FOCAD: variants seen among roughly 807,000 people sequenced by gnomAD.
FOCAD encodes the protein focadhesin, also known as KIAA1797.
FOCAD carries 198 observed loss-of-function variants against 225.6 expected under a neutral mutation model. The observed-to-expected ratio is 0.88, with a 90% CI of 0.78 to 0.99. The LOEUF (loss-of-function observed/expected upper bound fraction) is 0.99. Ranked by LOEUF, FOCAD falls within the 50% of genes least tolerant of loss-of-function variation. FOCAD has a pLI of 0.00. For synonymous variants in FOCAD, 897 were observed against 755.0 expected, an observed-to-expected ratio of 1.19 and a Z score of -3.08; for missense variants, 2,713 against 2,123.6, an observed-to-expected ratio of 1.28 and a Z score of -5.46.
At position 20,938,280 on chromosome 9, in the gene FOCAD, C is replaced by T. The variant is rs553626710; in HGVS notation, c.3407+5177C>T. Among the ~76,000 whole-genome samples, 421 of 152,222 alleles carry T rather than the reference C, an allele frequency of 2.8e-3. 5 individuals are homozygous for T. Among genetic ancestry groups the T allele is most frequent in the Admixed American group, 3.7e-3 (57 of 15,296 alleles). On this transcript the variant is annotated intron_variant, in intron 28 of 43. Transcript: ENST00000338382. ...ATGCTGCTATAAAGACACATGCACA[C>T]GTATGTTTATTGCGGCACTATTCAC...
chr9:20,908,150 AT>A (rs1833143053), intron 22 of FOCAD, among the ~76,000 whole-genome samples: 1 of 152,130 alleles, frequency 6.6e-6, no homozygotes, highest in South Asian at 2.1e-4. Flanking sequence ...AACTAGCTTA[AT>A]TGTTTTTCGT....
chr9:20,901,564 A>C (rs1170164157), intron 21 of FOCAD, among the ~76,000 whole-genome samples: 1 of 151,914 alleles, frequency 6.6e-6, no homozygotes, highest in African/African-American at 2.4e-5. Flanking sequence ...GGTGGAATGC[A>C]ATAACAAATT....
At chr9:20,843,620 T>C (rs1471051933) in intron 15 of FOCAD, among the ~76,000 whole-genome samples, 1 of 152,158 alleles carries the variant, frequency 6.6e-6, no homozygotes, top group Admixed American at 6.6e-5. Flanking sequence ...TCCATAACCT[T>C]TGTGTACTTG....
chr9:20,767,739 G>A (rs1178032858), intron 7 of FOCAD, among the ~76,000 whole-genome samples: 1 of 145,908 alleles, frequency 6.9e-6, no homozygotes, highest in African/African-American at 2.5e-5. Context: ...TTTGTCAGAT[G>A]AGTAGGTTGC....
intron 22 of FOCAD, among the ~76,000 whole-genome samples, chr9:20,907,927 TC>T (rs1244693188): frequency 6.6e-6 from 1 of 152,104 alleles, no homozygotes; most frequent in African/African-American, 2.4e-5. Flanking sequence ...GGCGAGGACT[TC>T]CAGTTGTCTC....
intron 35 of FOCAD, among the ~76,000 whole-genome samples, chr9:20,954,444 A>T (rs1026739590): frequency 1.3e-5 from 2 of 152,174 alleles, no homozygotes; most frequent in Non-Finnish European, 2.9e-5. Flanking sequence ...AAATAAAAGT[A>T]AAAACTCTTA....
At chr9:20,799,038 G>C (rs1344954929) in intron 11 of FOCAD, among the ~76,000 whole-genome samples, 2 of 152,148 alleles carry the variant, frequency 1.3e-5, no homozygotes, top group African/African-American at 2.4e-5. Flanking sequence ...AGAGATTCTG[G>C]TATGCTGTGT....
intron 1 of FOCAD, among the ~76,000 whole-genome samples, chr9:20,687,923 C>T (rs988333017): frequency 6.6e-5 from 10 of 152,120 alleles, no homozygotes; most frequent in Non-Finnish European, 1.3e-4. Context: ...GAGGAATTTT[C>T]ATCTGAATTG....
At chr9:20,825,429 G>A (rs1346265469) in intron 15 of FOCAD, among the ~76,000 whole-genome samples, 1 of 152,036 alleles carries the variant, frequency 6.6e-6, no homozygotes, top group African/African-American at 2.4e-5. Flanking sequence ...ATTCAGCATA[G>A]TTATAAATCC....
intron 1 of FOCAD, among the ~76,000 whole-genome samples, 153 bp from the exon 2 acceptor site, chr9:20,715,169 G>A (rs1269340189): frequency 2.0e-5 from 3 of 152,144 alleles, no homozygotes; most frequent in Non-Finnish European, 4.4e-5. Context: ...TGACAATGAA[G>A]TTTTGCCAAG....
intron 4 of FOCAD, among the ~76,000 whole-genome samples, chr9:20,737,581 A>G (rs1024458600): frequency 1.3e-5 from 2 of 152,196 alleles, no homozygotes; most frequent in Non-Finnish European, 2.9e-5. Context: ...AGTTGTATAG[A>G]CATTGAAGGC....
At chr9:20,869,332 G>A (rs377601435) in intron 18 of FOCAD, among the ~76,000 whole-genome samples, 2 of 152,240 alleles carry the variant, frequency 1.3e-5, no homozygotes, top group South Asian at 2.1e-4. Context: ...TGAATTTCAA[G>A]TAGAGCTAAA....
intron 33 of FOCAD, among the ~76,000 whole-genome samples, chr9:20,950,369 G>A (rs1457794284): frequency 6.6e-6 from 1 of 152,100 alleles, no homozygotes; most frequent in African/African-American, 2.4e-5. Context: ...AAATGTGGCT[G>A]ATGATAATAC....
intron 4 of FOCAD, among the ~76,000 whole-genome samples, chr9:20,739,232 G>A (rs4978017): frequency 0.56 from 85,853 of 152,104 alleles, 24,456 homozygotes; most frequent in East Asian, 0.7. Context: ...TCTGAAGTAA[G>A]TGACATAATG....
intron 15 of FOCAD, among the ~76,000 whole-genome samples, chr9:20,850,281 T>C (rs927229870): frequency 1.3e-5 from 2 of 151,756 alleles, no homozygotes; most frequent in South Asian, 4.1e-4. Flanking sequence ...ACAATTTCTT[T>C]TTCAAAAACA....
intron 35 of FOCAD, among the ~76,000 whole-genome samples, chr9:20,973,218 C>A (rs1185214346): frequency 6.6e-6 from 1 of 151,756 alleles, no homozygotes; most frequent in Non-Finnish European, 1.5e-5. Context: ...GTTCCCTCTT[C>A]TTTCAGCATC....
chr9:20,845,442 GATATAT>G (rs3086547), intron 15 of FOCAD, among the ~76,000 whole-genome samples: 25 of 121,260 alleles, frequency 2.1e-4, no homozygotes, highest in East Asian at 2.9e-4. Context: ...TCTTTTCCTC[GATATAT>G]ATATATATAT....
rs550778611 is a variant in FOCAD, at chr9:20,765,892, A to G, written c.699+819A>G. Among the ~76,000 whole-genome samples the G allele has an allele frequency of 1.6e-4, 25 of 152,294 alleles. 1 individual carries two copies. In the South Asian group the frequency reaches 4.8e-3, roughly 29 times the overall value. On this transcript the variant is annotated intron_variant, in intron 7 of 43. Coordinates refer to ENST00000338382, the MANE Select transcript of FOCAD (RefSeq NM_001375567.1). ...TCTGTGAACATATTTCAAAACGATC[A>G]CTTGAGGTCACACATGACCTGCTTT...
chr9:20,682,525 A>G (rs1340705520), upstream of FOCAD, among the ~76,000 whole-genome samples: 1 of 152,222 alleles, frequency 6.6e-6, no homozygotes, highest in African/African-American at 2.4e-5. Flanking sequence ...TGGATTAAAT[A>G]AATTTATATA....
Sources: gnomAD v4.1 joint callset for allele counts (sites outside exome capture counted in the v4.1 genomes callset) on GRCh38, gnomAD v4.1.1 for gene constraint, MANE v1.5 for transcripts, NCBI Gene and HGNC (gene_info 2026-07-23, HGNC 2026-07-21) for gene names.